Variants in C5 observed in about 807,000 individuals in gnomAD.
C5 encodes the protein C3 and PZP-like alpha-2-macroglobulin domain-containing protein 4.
Under a neutral mutation model 218.8 loss-of-function variants are expected in C5, and 140 were observed. The ratio of observed to expected loss-of-function variants is 0.64; its 90% CI spans 0.56 to 0.74. The LOEUF is 0.74. Ranked by LOEUF, C5 falls within the 30% of genes least tolerant of loss-of-function variation. The probability of loss-of-function intolerance (pLI) is 0.00; values close to 1 mark genes in which losing one functional copy is unlikely to be tolerated. For missense variants in C5, 1,700 were observed against 1,969.6 expected (o/e 0.86, Z 2.59); for synonymous variants, 614 against 682.3 (o/e 0.90, Z 1.56).
chr9:121,070,789 G>A, the C5 span, among the ~76,000 whole-genome samples: 2 of 151,962 alleles, frequency 1.3e-5, no homozygotes, highest in Admixed American at 6.6e-5. Context: ...AGCTAGATAG[G>A]AGCAATAAGT....
At chr9:120,987,959 A>G (rs1360500295) in intron 25 of C5, among the ~76,000 whole-genome samples, 1 of 151,790 alleles carries the variant, frequency 6.6e-6, no homozygotes, top group Non-Finnish European at 1.5e-5. Flanking sequence ...CGCCCAGCTA[A>G]TTTTTGTATT....
chr9:120,990,817 T>C (rs1382158470), intron 23 of C5, among the ~76,000 whole-genome samples: 1 of 152,244 alleles, frequency 6.6e-6, no homozygotes, highest in East Asian at 1.9e-4. Flanking sequence ...AGCAGAGCAG[T>C]GCTGTTCTCG....
rs1338897672 is a variant in C5 at position 121,021,548 on chromosome 9, C to T, written c.1263G>A (p.Val421=). The change falls in exon 11 of 41, where the codon GTG becomes GTA. Residue 421 remains valine, a synonymous_variant. Coordinates refer to ENST00000223642, the MANE Select transcript of C5 (RefSeq NM_001735.3). The part of the protein sequence containing the change: ...TRVDDGVASF[V]LNLPSGVTVL... ...CCGTCACTCCAGATGGGAGATTAAG[C>T]ACAAAGGAAGCTACTCCATCATCAA... 3 of 1,613,976 alleles carry T rather than the reference C, an allele frequency of 1.9e-6. No homozygotes were observed. The East Asian group carries it at 6.7e-5, about 36-fold the overall frequency.
chr9:120,977,605 C>A (rs1432052741), intron 28 of C5, among the ~76,000 whole-genome samples: 1 of 152,082 alleles, frequency 6.6e-6, no homozygotes, highest in Non-Finnish European at 1.5e-5. Flanking sequence ...TAGGGGTGTG[C>A]CACCATGCCA....
At chr9:121,052,445 C>T (rs1468143688), upstream of C5, among the ~76,000 whole-genome samples, 2 of 143,780 alleles carry the variant, frequency 1.4e-5, no homozygotes, top group South Asian at 2.2e-4. Context: ...GAGCCAGACT[C>T]CATCTCAGAA....
intron 40 of C5, 45 bp downstream of exon 40, chr9:120,953,685 A>C: frequency 1.9e-6 from 3 of 1,595,542 alleles, no homozygotes; most frequent in Non-Finnish European, 2.6e-6. Context: ...AATTATACTC[A>C]GTTTTGGAGG....
At chr9:121,000,321 G>C (rs1587970160) in intron 20 of C5, among the ~76,000 whole-genome samples, 1 of 152,258 alleles carries the variant, frequency 6.6e-6, no homozygotes, top group East Asian at 1.9e-4. Flanking sequence ...AAGTTTATCT[G>C]GCAGAGTAAA....
chr9:121,064,970 T>C, the C5 span, among the ~76,000 whole-genome samples: 3 of 152,070 alleles, frequency 2.0e-5, no homozygotes, highest in Admixed American at 6.6e-5. Context: ...CTCAGGAGGC[T>C]GAGGCAGGAG....
Position 120,976,806 on chromosome 9 carries a change from T to A in C5, c.3758A>T (p.Tyr1253Phe). 1 of 1,614,142 alleles carries A rather than the reference T, an allele frequency of 6.2e-7. No homozygotes were observed. Among genetic ancestry groups the A allele is most frequent in the Non-Finnish European group, 8.5e-7 (1 of 1,179,950 alleles). The change falls in exon 29 of 41, where the codon TAT becomes TTT. Residue 1253 changes from tyrosine (Y) to phenylalanine (F), a missense_variant. Transcript: ENST00000223642. ...GTARMVETTAYALLTSLNLKD... is the reference protein window; with the variant it reads ...GTARMVETTAFALLTSLNLKD... ...CAAGTTCAGACTGGTGAGTAAAGCA[T>A]AGGCAGTTGTTTCTACCATACGTGC...
intron 3 of C5, among the ~76,000 whole-genome samples, chr9:121,041,953 G>C (rs2047585143): frequency 6.6e-6 from 1 of 152,176 alleles, no homozygotes; most frequent in Non-Finnish European, 1.5e-5. Context: ...TGCTCCTGCT[G>C]AAACGGTAAT....
chr9:121,014,028 T>C lies in C5; in HGVS notation c.2102A>G (p.Asp701Gly). 6.2e-7 allele frequency: 1 copy of C among 1,614,160 alleles called. No individual in the cohort carries two copies. Among genetic ancestry groups the C allele is most frequent in the African/African-American group, 1.3e-5 (1 of 75,040 alleles). Residue 701 changes from aspartate to glycine, a missense_variant, in exon 17 of 41, where the codon GAT (aspartate) becomes GGT (glycine). By Grantham distance (94) the Asp-to-Gly change is moderately conservative. Transcript: ENST00000223642. The part of the protein sequence containing the change: ...KHSVVKKCCY[D>G]GACVNNDETC... ...TTCATCATTATTAACGCAGGCTCCATCGTAACAACATTTCTTCACTACTGA... is the reference window on the plus strand; with the variant it reads ...TTCATCATTATTAACGCAGGCTCCACCGTAACAACATTTCTTCACTACTGA...
rs534738477 is a variant in C5, at chr9:121,050,038, C to G, written c.65+144G>C. The G allele has an allele frequency of 5.9e-5, 44 of 741,232 alleles. No homozygotes were observed. The East Asian group carries it at 7.4e-4, about 12-fold the overall frequency. The allele number at this position is 741,232 out of a possible 1,614,324, so 45.9% of individuals were successfully genotyped here. Reference sequence around the variant, plus strand: ...TCATCAAATCAAAATGCTTCCATGACTTTCTCATTCAGAGATGATACTATT... The same window carrying G: ...TCATCAAATCAAAATGCTTCCATGAGTTTCTCATTCAGAGATGATACTATT... On this transcript the variant is annotated intron_variant, in intron 1 of 40. Transcript: ENST00000223642.
At chr9:121,065,637 C>T in the C5 span, among the ~76,000 whole-genome samples, 1 of 152,208 alleles carries the variant, frequency 6.6e-6, no homozygotes, top group South Asian at 2.1e-4. Flanking sequence ...AGGCACATGC[C>T]ACCACACCTG....
chr9:121,068,030 A>C, the C5 span, among the ~76,000 whole-genome samples: 1 of 152,230 alleles, frequency 6.6e-6, no homozygotes, highest in African/African-American at 2.4e-5. Context: ...GCACATTATC[A>C]TCAATGGAAA....
At chr9:120,998,424 C>T (rs1321366790) in intron 20 of C5, among the ~76,000 whole-genome samples, 2 of 152,218 alleles carry the variant, frequency 1.3e-5, no homozygotes, top group Non-Finnish European at 2.9e-5. Flanking sequence ...TAGTGGGAGC[C>T]TTAGGCTCAG....
intron 39 of C5, 52 bp downstream of exon 39, chr9:120,957,233 C>T: frequency 8.5e-7 from 1 of 1,173,460 alleles, no homozygotes. Context: ...GGCACATAGT[C>T]AGTACTAAAT....
At chr9:120,961,439 C>T (rs775005693) in intron 37 of C5, 43 bp downstream of exon 37, 2 of 1,291,210 alleles carry the variant, frequency 1.5e-6, no homozygotes, top group Admixed American at 3.4e-5. Context: ...TGAACGACTG[C>T]TTTAAATAAG....
chr9:121,015,432 T>A (rs2047299208), intron 15 of C5, among the ~76,000 whole-genome samples, 171 bp from the exon 16 acceptor site: 1 of 152,170 alleles, frequency 6.6e-6, no homozygotes. Context: ...TAATATGACT[T>A]GTTTTATCTT....
intron 22 of C5, among the ~76,000 whole-genome samples, chr9:120,991,638 C>G (rs993441214): frequency 6.6e-6 from 1 of 152,184 alleles, no homozygotes; most frequent in African/African-American, 2.4e-5. Context: ...ATTTCTTAAT[C>G]AACTATATAT....
Sources: allele counts gnomAD v4.1 joint callset (sites outside exome capture counted in the v4.1 genomes callset), GRCh38; gene constraint gnomAD v4.1.1; transcripts MANE v1.5; gene names NCBI Gene and HGNC (gene_info 2026-07-23, HGNC 2026-07-21).